Variants in MTUS2 observed in about 807,000 individuals in gnomAD.
MTUS2 encodes the protein microtubule-associated tumor suppressor candidate 2.
In MTUS2, 40 loss-of-function variants were observed where a neutral mutation model predicts 114.1. That is an observed-to-expected ratio of 0.35 (90% CI 0.27 to 0.46). MTUS2 has a LOEUF of 0.46. MTUS2 is among the 20% of genes least tolerant of loss of function. The probability of loss-of-function intolerance (pLI) is 1.00; values close to 1 mark genes in which losing one functional copy is unlikely to be tolerated. For synonymous variants in MTUS2, 688 were observed against 672.0 expected (o/e 1.02, Z -0.37); for missense variants, 1,679 against 1,705.4 (o/e 0.98, Z 0.27).
At chr13:29,091,257 T>C (rs961000353) in intron 4 of MTUS2, among the ~76,000 whole-genome samples, 2 of 152,146 alleles carry the variant, frequency 1.3e-5, no homozygotes, top group Admixed American at 6.5e-5. Context: ...GTTTGTAAAT[T>C]ACCCACACTC....
rs371426216 is a variant in MTUS2, at chr13:29,503,956, A to G, written c.*750A>G. 5.2e-5 allele frequency: 12 copies of G among 231,524 alleles called. No individual in the cohort carries two copies. The highest frequency in any genetic ancestry group is 2.6e-4 in the African/African-American group (12 of 45,302). 14.3% of individuals were successfully genotyped at this position (231,524 alleles called of 1,614,324 possible). A position where few individuals can be genotyped will look rare whatever the true frequency, so the allele number is the denominator to read the frequency against. ...ATAAGGGAGAGCAGTGGGAAACCCT[A>G]AGGGGGTTTAGCAGTTTTGCAGATG... On this transcript the variant is annotated 3_prime_UTR_variant, in exon 16 of 16. Coordinates refer to ENST00000612955, the MANE Select transcript of MTUS2 (RefSeq NM_001033602.4).
At chr13:29,106,196 A>G (rs895105859) in intron 5 of MTUS2, among the ~76,000 whole-genome samples, 5 of 152,206 alleles carry the variant, frequency 3.3e-5, no homozygotes, top group African/African-American at 7.2e-5. Flanking sequence ...GCCATCAAGT[A>G]TCTCTAACCC....
intron 5 of MTUS2, among the ~76,000 whole-genome samples, chr13:29,132,846 C>A (rs923099226): frequency 6.6e-6 from 1 of 152,094 alleles, no homozygotes; most frequent in Non-Finnish European, 1.5e-5. Flanking sequence ...CTTTTTAGGA[C>A]CCTGCTTTCA....
At chr13:29,068,916 A>C (rs760850486) in intron 4 of MTUS2, among the ~76,000 whole-genome samples, 19 of 152,132 alleles carry the variant, frequency 1.2e-4, no homozygotes, top group Non-Finnish European at 2.4e-4. Context: ...GATTGATACG[A>C]TCCTCCTTCT....
rs77153521 is a variant in MTUS2, at chr13:29,416,765, G to A, written c.3118-23218G>A. ...TTTTTAAAATACTGCTCTATTTGTT[G>A]TCTTGCTCTGAATATCGAATACTTT... On this transcript the variant is annotated intron_variant, in intron 8 of 15. Transcript: ENST00000612955. Among the ~76,000 whole-genome samples the A allele has an allele frequency of 1.9e-4, 29 of 152,178 alleles. No individual in the cohort carries two copies. In the East Asian group the frequency reaches 5.4e-3, roughly 28 times the overall value.
At chr13:29,234,473 A>T (rs2139372282) in intron 5 of MTUS2, among the ~76,000 whole-genome samples, 1 of 152,322 alleles carries the variant, frequency 6.6e-6, no homozygotes, top group African/African-American at 2.4e-5. Context: ...TAATGACTAC[A>T]TAGTATTCAG....
chr13:29,413,608 G>GAA (rs1875435794), intron 8 of MTUS2, among the ~76,000 whole-genome samples: 1 of 53,586 alleles, frequency 1.9e-5, no homozygotes, highest in Non-Finnish European at 3.8e-5. Context: ...AAATTTACAA[G>GAA]AAAAAAACAA....
intron 6 of MTUS2, among the ~76,000 whole-genome samples, chr13:29,294,690 CA>C (rs1367959714): frequency 1.3e-5 from 2 of 152,144 alleles, no homozygotes; most frequent in Non-Finnish European, 2.9e-5. Context: ...AGTGGAATCA[CA>C]CAACATATAC....
chr13:29,126,513 C>T (rs141359342), intron 5 of MTUS2, among the ~76,000 whole-genome samples: 1 of 152,188 alleles, frequency 6.6e-6, no homozygotes, highest in African/African-American at 2.4e-5. Context: ...CATCTCTGCC[C>T]TTTACTTCGA....
chr13:29,290,863 C>G (rs952179109), intron 6 of MTUS2, among the ~76,000 whole-genome samples: 3 of 152,196 alleles, frequency 2.0e-5, no homozygotes, highest in Non-Finnish European at 4.4e-5. Flanking sequence ...AAATCCTTAG[C>G]ACCAACAATG....
intron 5 of MTUS2, among the ~76,000 whole-genome samples, chr13:29,280,703 G>T (rs997948595): frequency 6.6e-6 from 1 of 152,104 alleles, no homozygotes; most frequent in South Asian, 2.1e-4. Context: ...ATGGTAGATG[G>T]TCATATTCCT....
intron 5 of MTUS2, among the ~76,000 whole-genome samples, chr13:29,256,543 C>G (rs1566094239): frequency 6.6e-6 from 1 of 152,232 alleles, no homozygotes. Flanking sequence ...ACTTTCATGT[C>G]CTAAATCTCT....
chr13:29,492,361 C>CGT (rs377437351), intron 11 of MTUS2, among the ~76,000 whole-genome samples: 1 of 150,126 alleles, frequency 6.7e-6, no homozygotes, highest in Non-Finnish European at 1.5e-5. Flanking sequence ...GTGATGTTTG[C>CGT]GTGTGTGTGT....
chr13:29,272,275 A>T (rs1390831429), intron 5 of MTUS2, among the ~76,000 whole-genome samples: 3 of 152,216 alleles, frequency 2.0e-5, no homozygotes, highest in Non-Finnish European at 2.9e-5. Context: ...TGCAGCTGGA[A>T]CATTATACAA....
intron 8 of MTUS2, among the ~76,000 whole-genome samples, chr13:29,435,677 G>A (rs1877351702): frequency 6.6e-6 from 1 of 152,224 alleles, no homozygotes; most frequent in South Asian, 2.1e-4. Context: ...CACAGCTATT[G>A]ACTCATTTCA....
At chr13:29,254,488 C>T (rs971725776) in intron 5 of MTUS2, among the ~76,000 whole-genome samples, 5 of 152,212 alleles carry the variant, frequency 3.3e-5, no homozygotes, top group African/African-American at 1.2e-4. Flanking sequence ...GTCGTACCAA[C>T]ACTGAGGTTT....
intron 11 of MTUS2, among the ~76,000 whole-genome samples, chr13:29,491,932 T>A (rs545308948): frequency 7.0e-6 from 1 of 142,762 alleles, no homozygotes; most frequent in Non-Finnish European, 1.5e-5. Context: ...GTGTGTGTGG[T>A]AGGTGTGTGT....
In MTUS2 at chr13:28,981,850, G is replaced by A. The variant is rs538296772; in HGVS notation, c.-242-42607G>A. ...GATGCTAAGGTCAGGGGTTCAGGAT[G>A]AGTGCGGCCCACCATTGTGTCACCC... On this transcript the variant is annotated intron_variant, in intron 2 of 15. Transcript: ENST00000612955. Among the ~76,000 whole-genome samples the A allele has an allele frequency of 2.6e-5, 4 of 152,318 alleles. No homozygotes were observed. The South Asian group carries it at 6.2e-4, about 24-fold the overall frequency.
Position 28,898,852 on chromosome 13 carries a change from T to A in MTUS2, c.-243+59002T>A, listed in dbSNP as rs936197571. Among the ~76,000 whole-genome samples the A allele has an allele frequency of 2.6e-5, 4 of 152,228 alleles. No individual in the cohort carries two copies. The East Asian group carries it at 7.7e-4, about 29-fold the overall frequency. ...TTTCACATGAGCTATGATGTGTGGA[T>A]CATCTTTAGTTAAATGTGTGATTGA... On this transcript the variant is annotated intron_variant, in intron 2 of 15. Transcript: ENST00000612955.
Sources: gnomAD v4.1 joint callset for allele counts (sites outside exome capture counted in the v4.1 genomes callset) on GRCh38, gnomAD v4.1.1 for gene constraint, MANE v1.5 for transcripts, NCBI Gene and HGNC (gene_info 2026-07-23, HGNC 2026-07-21) for gene names.